Variants in TBX4 observed in about 807,000 individuals in gnomAD.
TBX4 encodes T-box transcription factor 4, also known as T-box transcription factor TBX4.
Under a neutral mutation model 54.6 loss-of-function variants are expected in TBX4, and 13 were observed. The ratio of observed to expected loss-of-function variants is 0.24; its 90% CI spans 0.15 to 0.38. The LOEUF (loss-of-function observed/expected upper bound fraction) is 0.38, where lower values mean the gene tolerates loss of function less well. Ranked by LOEUF, TBX4 falls within the 10% of genes least tolerant of loss-of-function variation. The pLI is 1.00. For synonymous variants in TBX4, 314 were observed against 306.7 expected (o/e 1.02, Z -0.25); for missense variants, 631 against 728.5 (o/e 0.87, Z 1.54).
Position 61,461,806 on chromosome 17 carries a change from G to A in TBX4, c.282-4013G>A, listed in dbSNP as rs1603249804. Among the ~76,000 whole-genome samples, 1 of 152,092 alleles carries A rather than the reference G, an allele frequency of 6.6e-6. No individual in the cohort carries two copies. On this transcript the variant is annotated intron_variant, in intron 3 of 8. Coordinates refer to ENST00000644296, the MANE Select transcript of TBX4 (RefSeq NM_001321120.2). The surrounding 1 kb of genome is among the most constrained non-coding windows in gnomAD (Gnocchi z 5.1). ...GCTCTCTAGACTTCTGACCCCTTCT[G>A]GCTGGTGTTCCCCTACATTAAGGGA... is the stretch of plus-strand genomic sequence containing the variant.
In TBX4 at chr17:61,482,747, T is replaced by A. The variant is rs1321488519; in HGVS notation, c.1022-150T>A. Reference sequence around the variant, plus strand: ...GGTGCCTGCAACCCTATAAAAGCCGTGGCTGATTGAAATGGCTCTGGGAGT... The same window carrying A: ...GGTGCCTGCAACCCTATAAAAGCCGAGGCTGATTGAAATGGCTCTGGGAGT... On this transcript the variant is annotated intron_variant, in intron 8 of 8. Transcript: ENST00000644296. The A allele has an allele frequency of 2.5e-6, 3 of 1,217,194 alleles. No individual in the cohort carries two copies. The Admixed American group carries it at 6.3e-5, about 26-fold the overall frequency. The allele number at this position is 1,217,194 out of a possible 1,614,324, so 75.4% of individuals were successfully genotyped here. A position where few individuals can be genotyped will look rare whatever the true frequency, so the allele number is the denominator to read the frequency against.
intron 1 of TBX4, among the ~76,000 whole-genome samples, chr17:61,453,417 T>C (rs1014421484): frequency 6.6e-6 from 1 of 152,166 alleles, no homozygotes; most frequent in Non-Finnish European, 1.5e-5. Flanking sequence ...AATAATATAA[T>C]GTATTATTGA....
intron 1 of TBX4, among the ~76,000 whole-genome samples, chr17:61,453,241 A>G (rs1282446734): frequency 6.6e-6 from 1 of 152,218 alleles, no homozygotes; most frequent in African/African-American, 2.4e-5. Flanking sequence ...GTAATTCTAA[A>G]TAGAGGAACA....
At chr17:61,467,748 C>A in intron 5 of TBX4, 91 bp downstream of exon 5, 1 of 1,527,602 alleles carries the variant, frequency 6.5e-7, no homozygotes, top group Non-Finnish European at 9.0e-7. Flanking sequence ...AGAATCCACT[C>A]CGGGATCCAG....
At chr17:61,477,216 G>GC (rs915774660) in intron 5 of TBX4, among the ~76,000 whole-genome samples, 3 of 152,238 alleles carry the variant, frequency 2.0e-5, no homozygotes, top group African/African-American at 7.2e-5. Context: ...CTGATAAAAT[G>GC]CCCCAAATTC....
In TBX4 at chr17:61,482,984, C is replaced by A. The variant is rs2060675576; in HGVS notation, c.1109C>A (p.Ser370Tyr). The change falls in exon 9 of 9, where the codon TCC becomes TAC. Residue 370 changes from serine to tyrosine, a missense_variant. This residue lies in a region of TBX4 where 354 missense variants were observed against 368.9 expected (regional missense o/e 0.96). Transcript: ENST00000644296. ...GTGGGGGAGGATCACTATTTCCGTTCCCCCCCTCCCTACGACCAGCAAATG... is the reference window on the plus strand; with the variant it reads ...GTGGGGGAGGATCACTATTTCCGTTACCCCCCTCCCTACGACCAGCAAATG... ...SSVGEDHYFRSPPPYDQQMLS... is the reference protein window; with the variant it reads ...SSVGEDHYFRYPPPYDQQMLS... The A allele has an allele frequency of 6.2e-7, 1 of 1,613,740 alleles. No homozygotes were observed. The highest frequency in any genetic ancestry group is 8.5e-7 in the Non-Finnish European group (1 of 1,179,792).
rs1357352130 is a variant in TBX4, at chr17:61,484,864, A to G, written c.*1348A>G. 2.0e-5 allele frequency: 3 copies of G among 147,958 alleles called. No homozygotes were observed. Among genetic ancestry groups the G allele is most frequent in the South Asian group, 4.2e-4 (2 of 4,748 alleles). The allele number at this position is 147,958 out of a possible 1,614,324, so 9.2% of individuals were successfully genotyped here. On this transcript the variant is annotated 3_prime_UTR_variant, in exon 9 of 9. Coordinates refer to ENST00000644296, the MANE Select transcript of TBX4 (RefSeq NM_001321120.2). This position sits in a 1 kb window ranked among gnomAD's most constrained non-coding sequence, Gnocchi z 4.1. Reference sequence around the variant, plus strand: ...AATAAAAATAAACGTTGGAGGGGGTATTTGGAAAGACATCTATTTAAATTT... The same window carrying G: ...AATAAAAATAAACGTTGGAGGGGGTGTTTGGAAAGACATCTATTTAAATTT...
At chr17:61,467,159 GA>G (rs759661113) in intron 4 of TBX4, among the ~76,000 whole-genome samples, 9 of 151,472 alleles carry the variant, frequency 5.9e-5, no homozygotes, top group African/African-American at 1.9e-4. Context: ...CTCTTAAAAA[GA>G]AAAAAAAATT....
In TBX4 at chr17:61,462,460, T is replaced by A. The variant is rs1175889514; in HGVS notation, c.282-3359T>A. Among the ~76,000 whole-genome samples the A allele has an allele frequency of 1.5e-5, 2 of 136,430 alleles. No individual in the cohort carries two copies. Among genetic ancestry groups the A allele is most frequent in the Admixed American group, 1.5e-4 (2 of 13,386 alleles). 89.5% of individuals were successfully genotyped at this position (136,430 alleles called of 152,430 possible). A position where few individuals can be genotyped will look rare whatever the true frequency, so the allele number is the denominator to read the frequency against. On this transcript the variant is annotated intron_variant, in intron 3 of 8. Coordinates refer to ENST00000644296, the MANE Select transcript of TBX4 (RefSeq NM_001321120.2). The surrounding 1 kb of genome is among the most constrained non-coding windows in gnomAD (Gnocchi z 4.5). ...GCGCGGAGAGAAGGTGCGGGGCACG[T>A]GGAAAGCGTGCCGAGGGGCTGGGAA...
intron 4 of TBX4, 106 bp downstream of exon 4, chr17:61,466,044 C>G: frequency 6.5e-7 from 1 of 1,548,470 alleles, no homozygotes; most frequent in Non-Finnish European, 8.9e-7. Context: ...GAGTGACTGC[C>G]CAGGTCTGCA....
chr17:61,457,930 G>A lies in TBX4; in HGVS notation c.281+299G>A, dbSNP rs4968565. 0.2 allele frequency among the ~76,000 whole-genome samples: 31,074 copies of A among 152,210 alleles called. 3,796 individuals carry two copies. The highest frequency in any genetic ancestry group is 0.34 in the South Asian group (1,616 of 4,818). On this transcript the variant is annotated intron_variant, in intron 3 of 8. Transcript: ENST00000644296. This position sits in a 1 kb window ranked among gnomAD's most constrained non-coding sequence, Gnocchi z 8.2. ...CAGCTCCAGCACTTTTGGCCCCCTG[G>A]GGGGCTGCTTTGCCCTCCTCTCTTT... is the stretch of plus-strand genomic sequence containing the variant.
Position 61,465,805 on chromosome 17 carries a change from CT to C in TBX4, c.282-13del. The stretch of plus-strand genomic sequence containing the variant: ...TCTGTCCACACGCTCCGCCTCACCC[CT>C]CGGCTCCCCCAGGAGGATGTTCCCC... On this transcript the variant is annotated splice_polypyrimidine_tract_variant and intron_variant, in intron 3 of 8. Coordinates refer to ENST00000644296, the MANE Select transcript of TBX4 (RefSeq NM_001321120.2). The surrounding 1 kb of genome is among the most constrained non-coding windows in gnomAD (Gnocchi z 4.9). 1 of 1,613,852 alleles carries C rather than the reference CT, an allele frequency of 6.2e-7. No individual in the cohort carries two copies. Among genetic ancestry groups the C allele is most frequent in the Non-Finnish European group, 8.5e-7 (1 of 1,179,816 alleles).
intron 5 of TBX4, among the ~76,000 whole-genome samples, chr17:61,471,919 T>G (rs1270453959): frequency 3.4e-5 from 5 of 146,418 alleles, no homozygotes; most frequent in Non-Finnish European, 7.4e-5. Flanking sequence ...TTTTTTTTTT[T>G]TTTTAGTAGA....
At position 61,465,181 on chromosome 17, in the gene TBX4, C is replaced by A. The variant is rs945591533; in HGVS notation, c.282-638C>A. On this transcript the variant is annotated intron_variant, in intron 3 of 8. Transcript: ENST00000644296. The surrounding 1 kb of genome is among the most constrained non-coding windows in gnomAD (Gnocchi z 4.9). ...ACTTTCCCCTGATACTCAGGGTGCA[C>A]AGGTCCAGGTGAGGTGTTCACAGGG... Among the ~76,000 whole-genome samples, 7 of 152,126 alleles carry A rather than the reference C, an allele frequency of 4.6e-5. No homozygotes were observed. Among genetic ancestry groups the A allele is most frequent in the African/African-American group, 1.7e-4 (7 of 41,426 alleles).
Position 61,480,258 on chromosome 17 carries a change from C to T in TBX4, c.960C>T (p.Pro320=), listed in dbSNP as rs1429383399. 1 of 1,614,000 alleles carries T rather than the reference C, an allele frequency of 6.2e-7. No individual in the cohort carries two copies. Among genetic ancestry groups the T allele is most frequent in the Non-Finnish European group, 8.5e-7 (1 of 1,180,028 alleles). Residue 320 remains proline, a synonymous_variant, in exon 8 of 9, where the codon CCC becomes CCT. Coordinates refer to ENST00000644296, the MANE Select transcript of TBX4 (RefSeq NM_001321120.2). The surrounding 1 kb of genome is among the most constrained non-coding windows in gnomAD (Gnocchi z 6.2). ...HSQLAEPQDL[P]LSTFPTQRDS... ...AGCTCGCGGAGCCGCAGGACCTGCC[C>T]CTCAGCACCTTTCCCACCCAGAGGG...
chr17:61,470,286 G>C (rs1467444774), intron 5 of TBX4, among the ~76,000 whole-genome samples: 1 of 152,210 alleles, frequency 6.6e-6, no homozygotes, highest in Non-Finnish European at 1.5e-5. Flanking sequence ...AGAGCAGGAA[G>C]CCCTGACTGT....
chr17:61,467,157 A>T (rs995023526), intron 4 of TBX4, among the ~76,000 whole-genome samples: 6 of 152,322 alleles, frequency 3.9e-5, no homozygotes, highest in African/African-American at 1.4e-4. Flanking sequence ...GTCTCTTAAA[A>T]AGAAAAAAAA....
chr17:61,471,918 T>A (rs1045676755), intron 5 of TBX4, among the ~76,000 whole-genome samples: 2 of 147,678 alleles, frequency 1.4e-5, no homozygotes, highest in African/African-American at 5.0e-5. Context: ...TTTTTTTTTT[T>A]TTTTTAGTAG....
Position 61,479,960 on chromosome 17 carries a change from G to T in TBX4, c.782G>T (p.Arg261Leu). 1 of 1,613,934 alleles carries T rather than the reference G, an allele frequency of 6.2e-7. No individual in the cohort carries two copies. The highest frequency in any genetic ancestry group is 8.5e-7 in the Non-Finnish European group (1 of 1,179,948). ...GSDDSDLRVA[R>L]LQSKEYPVIS... is the part of the protein sequence containing the mutation. ...GATGACAGTGACCTGCGTGTGGCCCGACTGCAGAGGTGGGGCTGCGTAGCC... is the reference window on the plus strand; with the variant it reads ...GATGACAGTGACCTGCGTGTGGCCCTACTGCAGAGGTGGGGCTGCGTAGCC... Residue 261 changes from arginine (R) to leucine (L), a missense_variant, in exon 7 of 9, where the codon CGA becomes CTA. Physicochemically the swap from Arg to Leu is moderately radical, Grantham distance 102. Around this residue, in one of 3 missense-constraint regions of TBX4, gnomAD observed 154 missense variants for 238.6 expected, o/e 0.65. Coordinates refer to ENST00000644296, the MANE Select transcript of TBX4 (RefSeq NM_001321120.2). This position sits in a 1 kb window ranked among gnomAD's most constrained non-coding sequence, Gnocchi z 6.1.
Sources: gnomAD v4.1 joint callset for allele counts (sites outside exome capture counted in the v4.1 genomes callset) on GRCh38, gnomAD v4.1.1 for gene constraint, gnomAD v4.1.1 regional missense constraint, Gnocchi (gnomAD v3.1) non-coding constraint, MANE v1.5 for transcripts, NCBI Gene and HGNC (gene_info 2026-07-23, HGNC 2026-07-21) for gene names.